The following NOD2 variants were observed in gnomAD, a reference collection of about 807,000 sequenced individuals.
NOD2 encodes the protein nucleotide-binding oligomerization domain-containing protein 2.
Under a neutral mutation model 90.9 loss-of-function variants are expected in NOD2, and 86 were observed. The ratio of observed to expected loss-of-function variants is 0.95; its 90% CI spans 0.79 to 1.13. The LOEUF is 1.13. Among genes scored for constraint, NOD2 ranks in the 50% most tolerant of loss-of-function variants. The pLI is 0.00. For missense variants in NOD2, 1,238 were observed against 1,283.8 expected, an observed-to-expected ratio of 0.96 and a Z score of 0.55; for synonymous variants, 581 against 554.6, an observed-to-expected ratio of 1.05 and a Z score of -0.67.
At position 50,716,660 on chromosome 16, in the gene NOD2, C is replaced by T; in HGVS notation, c.2455C>T (p.Gln819Ter). The T allele has an allele frequency of 6.2e-7, 1 of 1,614,138 alleles. No individual in the cohort carries two copies. The highest frequency in any genetic ancestry group is 8.5e-7 in the Non-Finnish European group (1 of 1,179,982). Residue 819 changes from glutamine (Q) to a stop codon, truncating the protein, a stop_gained, in exon 5 of 12, where the codon CAG becomes TAG. Coordinates refer to ENST00000647318, the MANE Select transcript of NOD2 (RefSeq NM_001370466.1). LOFTEE classifies it high-confidence loss of function. The part of the protein sequence containing the change: ...IECALHCEQL[Q>*]KLALFNNKLT... ...ATGTGCTCTTCACTGCGAGCAATTGCAGAAGTTAGCGTAAGTCAGCCTGGG... is the reference window on the plus strand; with the variant it reads ...ATGTGCTCTTCACTGCGAGCAATTGTAGAAGTTAGCGTAAGTCAGCCTGGG...
In NOD2 at chr16:50,711,629, C is replaced by T. The variant is rs752936259; in HGVS notation, c.1637C>T (p.Ala546Val). Residue 546 changes from alanine to valine, a missense_variant, in exon 4 of 12, where the codon GCA (alanine) becomes GTA (valine). Ala to Val is a moderately conservative substitution (Grantham distance 64, BLOSUM62 0). This residue lies in a region of NOD2 where 667 missense variants were observed against 688.7 expected (regional missense o/e 0.97). Transcript: ENST00000647318. The stretch of plus-strand genomic sequence containing the variant: ...TTCTCAGCCCAGCAGCTCCAGGCAG[C>T]ACAGGTCAGCCCTGATGACATTTCT... ...YVFSAQQLQA[A>V]QVSPDDISLG... is the part of the protein sequence containing the mutation. 5 of 1,612,226 alleles carry T rather than the reference C, an allele frequency of 3.1e-6. No individual in the cohort carries two copies. The South Asian group carries it at 5.5e-5, about 18-fold the overall frequency.
chr16:50,731,156 C>T (rs562478523), intron 11 of NOD2, among the ~76,000 whole-genome samples: 10 of 152,188 alleles, frequency 6.6e-5, no homozygotes, highest in African/African-American at 2.4e-4. Flanking sequence ...AATTAGATCC[C>T]ATCTCTTAAA....
intron 10 of NOD2, among the ~76,000 whole-genome samples, chr16:50,726,575 G>A (rs762696951): frequency 6.6e-6 from 1 of 152,162 alleles, no homozygotes. Context: ...ACTGAGGGTC[G>A]GCCTTTGGGA....
At chr16:50,725,704 T>G in intron 10 of NOD2, 132 bp downstream of exon 10, 1 of 739,738 alleles carries the variant, frequency 1.4e-6, no homozygotes. Context: ...CTTGCCTTGG[T>G]CTAGGTGGAC....
Position 50,711,188 on chromosome 16 carries a change from G to T in NOD2, c.1196G>T (p.Arg399Leu). 1 of 1,614,058 alleles carries T rather than the reference G, an allele frequency of 6.2e-7. No individual in the cohort carries two copies. The highest frequency in any genetic ancestry group is 2.2e-5 in the East Asian group (1 of 44,872). Reference sequence around the variant, plus strand: ...AATGCCCGCAAGGTGGTGACCAGCCGTCCGGCCGCTGTGTCGGCGTTCCTC... The same window carrying T: ...AATGCCCGCAAGGTGGTGACCAGCCTTCCGGCCGCTGTGTCGGCGTTCCTC... ...LKNARKVVTS[R>L]PAAVSAFLRK... The change falls in exon 4 of 12, where the codon CGT becomes CTT. Residue 399 changes from arginine to leucine, a missense_variant. Physicochemically the swap from Arg to Leu is moderately radical, Grantham distance 102 (BLOSUM62 -2). Around this residue, in one of 3 missense-constraint regions of NOD2, gnomAD observed 567 missense variants for 577.3 expected, o/e 0.98. Coordinates refer to ENST00000647318, the MANE Select transcript of NOD2 (RefSeq NM_001370466.1).
intron 11 of NOD2, 157 bp downstream of exon 11, chr16:50,730,058 T>C: frequency 1.6e-6 from 1 of 632,124 alleles, no homozygotes; most frequent in Non-Finnish European, 2.9e-6. Context: ...TCTGATTCTC[T>C]GTCTAAGAAA....
Position 50,710,625 on chromosome 16 carries a change from T to C in NOD2, c.633T>C (p.Ser211=), listed in dbSNP as rs768859303. Residue 211 remains serine, a synonymous_variant, in exon 4 of 12, where the codon AGT becomes AGC. Transcript: ENST00000647318. ...TTVSAQSRFL[S]TYDGAETLCL... ...TGTCTGCTCAGTCTCGCTTCCTCAGTACCTATGATGGAGCAGAGACGCTCT... is the reference window on the plus strand; with the variant it reads ...TGTCTGCTCAGTCTCGCTTCCTCAGCACCTATGATGGAGCAGAGACGCTCT... 10 of 1,614,030 alleles carry C rather than the reference T, an allele frequency of 6.2e-6. No individual in the cohort carries two copies. The highest frequency in any genetic ancestry group is 8.5e-6 in the Non-Finnish European group (10 of 1,180,020).
chr16:50,727,856 G>T, intron 10 of NOD2: 2 of 364,168 alleles, frequency 5.5e-6, no homozygotes, highest in South Asian at 4.4e-5. Context: ...AAAGCTGTAG[G>T]GGATCAGACT....
At position 50,711,072 on chromosome 16, in the gene NOD2, G is replaced by A; in HGVS notation, c.1080G>A (p.Arg360=). ...TFDGFDEFKF[R]FTDRERHCSP... Reference sequence around the variant, plus strand: ...ATGGCTTTGACGAGTTCAAGTTCAGGTTCACGGATCGTGAACGCCACTGCT... The same window carrying A: ...ATGGCTTTGACGAGTTCAAGTTCAGATTCACGGATCGTGAACGCCACTGCT... Residue 360 remains arginine, a synonymous_variant, in exon 4 of 12, where the codon AGG becomes AGA. Transcript: ENST00000647318. 6.2e-7 allele frequency: 1 copy of A among 1,614,160 alleles called. No individual in the cohort carries two copies.
At chr16:50,696,627 T>G (rs1963659866) in intron 1 of NOD2, 1 of 152,948 alleles carries the variant, frequency 6.5e-6, no homozygotes, top group Non-Finnish European at 1.5e-5. Flanking sequence ...GCTGGTGAGC[T>G]TCCTGAGCTG....
At position 50,719,932 on chromosome 16, in the gene NOD2, A is replaced by T. The variant is rs1212452159; in HGVS notation, c.2557A>T (p.Asn853Tyr). 2 of 1,613,940 alleles carry T rather than the reference A, an allele frequency of 1.2e-6. No individual in the cohort carries two copies. The highest frequency in any genetic ancestry group is 1.7e-6 in the Non-Finnish European group (2 of 1,179,986). The change falls in exon 7 of 12, where the codon AAT becomes TAT. Residue 853 changes from asparagine to tyrosine, a missense_variant. Asn to Tyr is a moderately radical substitution (Grantham distance 143). Coordinates refer to ENST00000647318, the MANE Select transcript of NOD2 (RefSeq NM_001370466.1). ...RQNFLALRLG[N>Y]NYITAAGAQV... ...CTCTGTCTTCCCTTCCAGGCTGGGGAATAACTACATCACTGCCGCGGGAGC... is the reference window on the plus strand; with the variant it reads ...CTCTGTCTTCCCTTCCAGGCTGGGGTATAACTACATCACTGCCGCGGGAGC...
intron 4 of NOD2, among the ~76,000 whole-genome samples, chr16:50,716,186 C>A (rs1194131487): frequency 1.3e-5 from 2 of 152,216 alleles, no homozygotes; most frequent in Non-Finnish European, 2.9e-5. Context: ...GGTAAATTGT[C>A]CCCAGGGGTA....
intron 4 of NOD2, among the ~76,000 whole-genome samples, chr16:50,715,353 T>C (rs1964734144): frequency 6.6e-6 from 1 of 152,118 alleles, no homozygotes; most frequent in African/African-American, 2.4e-5. Flanking sequence ...TGACTTTTAC[T>C]GTGTACCGGG....
chr16:50,720,384 A>G (rs946915678), intron 7 of NOD2, among the ~76,000 whole-genome samples: 3 of 152,168 alleles, frequency 2.0e-5, no homozygotes, highest in African/African-American at 7.2e-5. Context: ...TGCAAGGCCC[A>G]GGTATCAGGA....
intron 6 of NOD2, among the ~76,000 whole-genome samples, chr16:50,719,344 G>A (rs1464107439): frequency 6.6e-6 from 1 of 152,168 alleles, no homozygotes; most frequent in African/African-American, 2.4e-5. Flanking sequence ...AGAGCTCTGG[G>A]GCTTCTCCGA....
intron 1 of NOD2, among the ~76,000 whole-genome samples, chr16:50,693,936 G>A (rs868717432): frequency 3.3e-5 from 5 of 151,632 alleles, no homozygotes; most frequent in Middle Eastern, 6.8e-3. Context: ...ATGCCAGTGA[G>A]TGGGTGGGTA....
intron 10 of NOD2, among the ~76,000 whole-genome samples, chr16:50,728,640 A>C (rs1013855352): frequency 2.0e-5 from 3 of 152,254 alleles, no homozygotes; most frequent in African/African-American, 7.2e-5. Flanking sequence ...AGTTCAATAA[A>C]TACTGGCAAT....
chr16:50,726,039 G>T (rs1444143733), intron 10 of NOD2, among the ~76,000 whole-genome samples: 3 of 152,158 alleles, frequency 2.0e-5, no homozygotes, highest in Non-Finnish European at 4.4e-5. Flanking sequence ...TGCTTCTGGG[G>T]TCAGGAGAAT....
At chr16:50,697,545 C>G (rs1235960222) in intron 1 of NOD2, 1 of 621,600 alleles carries the variant, frequency 1.6e-6, no homozygotes, top group Non-Finnish European at 2.9e-6. Context: ...GAGAACCACT[C>G]CAGGGCCAAG....
Sources: gnomAD v4.1 joint callset for allele counts (sites outside exome capture counted in the v4.1 genomes callset) on GRCh38, gnomAD v4.1.1 for gene constraint, gnomAD v4.1.1 regional missense constraint, MANE v1.5 for transcripts, NCBI Gene and HGNC (gene_info 2026-07-23, HGNC 2026-07-21) for gene names.